The following MALRD1 variants were observed in gnomAD, a reference collection of about 807,000 sequenced individuals.
The protein encoded by MALRD1 is MAM and LDL receptor class A domain containing 1, also known as MAM and LDL-receptor class A domain-containing protein 1.
In MALRD1, 247 loss-of-function variants were observed where a neutral mutation model predicts 242.1. That is an observed-to-expected ratio of 1.02 (90% CI 0.92 to 1.13). The LOEUF (loss-of-function observed/expected upper bound fraction) is 1.13. MALRD1 is among the 50% of genes most tolerant of loss of function. The pLI, the probability that MALRD1 is intolerant of heterozygous loss-of-function variation, is 0.00. For missense variants in MALRD1, 2,989 were observed against 2,533.1 expected (o/e 1.18, Z -3.86); for synonymous variants, 995 against 866.6 (o/e 1.15, Z -2.60).
rs748480843 is a variant in MALRD1 at position 19,389,602 on chromosome 10, T to C, written c.4838T>C (p.Leu1613Pro). The C allele has an allele frequency of 6.5e-7, 1 of 1,549,912 alleles. No homozygotes were observed. The change falls in exon 28 of 40, where the codon CTC (leucine) becomes CCC (proline). Residue 1613 changes from leucine (L) to proline (P), a missense_variant. Leu to Pro is a moderately conservative substitution (Grantham distance 98). Coordinates refer to ENST00000454679, the MANE Select transcript of MALRD1 (RefSeq NM_001142308.3). ...AAGGCCACAGGATCCATTCAGATTCTCATCAAGGTAGGAACATGGCCTGTG... is the reference window on the plus strand; with the variant it reads ...AAGGCCACAGGATCCATTCAGATTCCCATCAAGGTAGGAACATGGCCTGTG... ...SAKATGSIQI[L>P]IKTEKGLSKV...
chr10:19,710,390 C>T (rs1452458114), intron 38 of MALRD1: 1 of 151,970 alleles, frequency 6.6e-6, no homozygotes, highest in Admixed American at 6.6e-5. Flanking sequence ...ACGTGTATTT[C>T]AAAATGATTT....
chr10:19,429,972 C>G (rs571069936), intron 28 of MALRD1, among the ~76,000 whole-genome samples: 1 of 152,218 alleles, frequency 6.6e-6, no homozygotes, highest in East Asian at 1.9e-4. Flanking sequence ...GTCATTACTT[C>G]TTAAGGTCTT....
intron 36 of MALRD1, among the ~76,000 whole-genome samples, chr10:19,659,450 C>T (rs1841319514): frequency 1.3e-5 from 2 of 152,082 alleles, no homozygotes; most frequent in Non-Finnish European, 2.9e-5. Flanking sequence ...CCTCATCAAT[C>T]AACTATTTTT....
intron 28 of MALRD1, among the ~76,000 whole-genome samples, chr10:19,402,344 A>G (rs1470934872): frequency 6.6e-6 from 1 of 152,154 alleles, no homozygotes; most frequent in Admixed American, 6.6e-5. Context: ...CCATGTGTCA[A>G]TAACGGGGCC....
At chr10:19,433,435 A>G (rs1057288378) in intron 28 of MALRD1, among the ~76,000 whole-genome samples, 1 of 152,134 alleles carries the variant, frequency 6.6e-6, no homozygotes, top group African/African-American at 2.4e-5. Flanking sequence ...CATGACAGGA[A>G]ATGAAGTTGG....
chr10:19,171,392 G>A (rs1043033545), intron 13 of MALRD1, among the ~76,000 whole-genome samples: 4 of 145,802 alleles, frequency 2.7e-5, no homozygotes, highest in South Asian at 2.2e-4. Context: ...CTGTAGTTCC[G>A]AAAGGGAATT....
chr10:19,171,227 T>C (rs887371278), intron 13 of MALRD1, among the ~76,000 whole-genome samples: 1 of 151,602 alleles, frequency 6.6e-6, no homozygotes, highest in Non-Finnish European at 1.5e-5. Context: ...AAAATAGTTT[T>C]AGAAGAGTGA....
intron 6 of MALRD1, 84 bp downstream of exon 6, chr10:19,123,677 CAACCTT>C: frequency 1.3e-6 from 1 of 748,230 alleles, no homozygotes; most frequent in East Asian, 3.4e-5. Flanking sequence ...GTGCACGCGC[CAACCTT>C]TGTTGACATT....
At chr10:19,139,121 C>T (rs1426631425) in intron 10 of MALRD1, among the ~76,000 whole-genome samples, 1 of 151,994 alleles carries the variant, frequency 6.6e-6, no homozygotes, top group Admixed American at 6.6e-5. Flanking sequence ...TATTTTGATA[C>T]CAAAATGAGT....
At chr10:19,432,352 G>A (rs773119419) in intron 28 of MALRD1, among the ~76,000 whole-genome samples, 1 of 152,136 alleles carries the variant, frequency 6.6e-6, no homozygotes, top group Non-Finnish European at 1.5e-5. Flanking sequence ...TTTTACATTT[G>A]TGCAATTTAG....
At chr10:19,501,675 T>G (rs938456151) in intron 31 of MALRD1, among the ~76,000 whole-genome samples, 1 of 152,176 alleles carries the variant, frequency 6.6e-6, no homozygotes, top group Non-Finnish European at 1.5e-5. Flanking sequence ...CATACTTGTT[T>G]ATTAACATAG....
intron 26 of MALRD1, among the ~76,000 whole-genome samples, chr10:19,360,726 A>T (rs1844855590): frequency 6.6e-6 from 1 of 152,144 alleles, no homozygotes; most frequent in Admixed American, 6.6e-5. Flanking sequence ...TTGACACAGC[A>T]GCTTCTCCCA....
chr10:19,134,629 T>C (rs945224893), intron 9 of MALRD1, among the ~76,000 whole-genome samples: 2 of 152,244 alleles, frequency 1.3e-5, no homozygotes, highest in Non-Finnish European at 2.9e-5. Context: ...TATAGTGATA[T>C]TCCATTTATA....
chr10:19,226,181 T>G (rs766836433), intron 18 of MALRD1, among the ~76,000 whole-genome samples: 1 of 152,172 alleles, frequency 6.6e-6, no homozygotes, highest in East Asian at 1.9e-4. Flanking sequence ...TTATCTCAAG[T>G]TGGTTTCAAC....
chr10:19,582,072 T>A (rs942443760), intron 33 of MALRD1, among the ~76,000 whole-genome samples: 1 of 151,938 alleles, frequency 6.6e-6, no homozygotes, highest in African/African-American at 2.4e-5. Flanking sequence ...TGGGGTTGTT[T>A]GTTTTTTTCT....
At chr10:19,054,670 G>A (rs1834609266) in intron 1 of MALRD1, among the ~76,000 whole-genome samples, 1 of 152,144 alleles carries the variant, frequency 6.6e-6, no homozygotes, top group African/African-American at 2.4e-5. Flanking sequence ...GTCTTTTGGT[G>A]CCTGGCTTGT....
chr10:19,123,258 A>G (rs908595063), intron 5 of MALRD1, among the ~76,000 whole-genome samples: 2 of 151,838 alleles, frequency 1.3e-5, no homozygotes, highest in Non-Finnish European at 2.9e-5. Context: ...AAACATTGGC[A>G]TAGTTGTTTT....
chr10:19,355,404 T>C (rs1728840631), intron 26 of MALRD1, among the ~76,000 whole-genome samples: 1 of 148,136 alleles, frequency 6.8e-6, no homozygotes, highest in Non-Finnish European at 1.5e-5. Flanking sequence ...AAAAGGTTAA[T>C]TATATTAAAC....
intron 26 of MALRD1, among the ~76,000 whole-genome samples, chr10:19,370,116 C>T (rs888152352): frequency 1.3e-5 from 2 of 152,078 alleles, no homozygotes; most frequent in Non-Finnish European, 2.9e-5. Context: ...AAATGACGCT[C>T]ATTTACCTAT....
Sources: allele counts gnomAD v4.1 joint callset (sites outside exome capture counted in the v4.1 genomes callset), GRCh38; gene constraint gnomAD v4.1.1; transcripts MANE v1.5; gene names NCBI Gene and HGNC (gene_info 2026-07-23, HGNC 2026-07-21).